The following OSBPL10 variants were observed in gnomAD, a reference collection of about 807,000 sequenced individuals.
OSBPL10 encodes oxysterol binding protein like 10, also known as oxysterol-binding protein-related protein 10.
Under a neutral mutation model 81.7 loss-of-function variants are expected in OSBPL10, and 49 were observed. The observed-to-expected ratio is 0.60, with a 90% CI of 0.48 to 0.76. The LOEUF (loss-of-function observed/expected upper bound fraction) is 0.76, where lower values mean the gene tolerates loss of function less well. Ranked by LOEUF, OSBPL10 falls within the 30% of genes least tolerant of loss-of-function variation. OSBPL10 has a pLI of 0.00. For synonymous variants in OSBPL10, 419 were observed against 383.6 expected, an observed-to-expected ratio of 1.09 and a Z score of -1.08; for missense variants, 923 against 987.8, an observed-to-expected ratio of 0.93 and a Z score of 0.88.
intron 2 of OSBPL10, chr3:31,988,696 A>G (rs916560232): frequency 3.0e-5 from 7 of 230,108 alleles, no homozygotes; most frequent in Non-Finnish European, 5.1e-5. Flanking sequence ...ACATAAGGAT[A>G]CTCAGGCCAC....
At chr3:31,733,067 C>G (rs1697027271) in intron 6 of OSBPL10, 190 bp downstream of exon 6, 2 of 684,732 alleles carry the variant, frequency 2.9e-6, no homozygotes, top group African/African-American at 3.7e-5. Context: ...CCCACAGCAG[C>G]TGCCAGACAC....
chr3:31,822,371 C>T (rs1485424620), intron 4 of OSBPL10: 1 of 152,200 alleles, frequency 6.6e-6, no homozygotes, highest in Non-Finnish European at 1.5e-5. Context: ...TTCAACAGCA[C>T]CACCTTTTCC....
chr3:32,026,131 G>A (rs1361794197), intron 2 of OSBPL10, among the ~76,000 whole-genome samples: 1 of 151,632 alleles, frequency 6.6e-6, no homozygotes, highest in South Asian at 2.1e-4. Context: ...CAGAGATAGA[G>A]ATAGAGATAT....
chr3:31,855,493 T>C (rs1308338803), intron 3 of OSBPL10, among the ~76,000 whole-genome samples: 1 of 152,224 alleles, frequency 6.6e-6, no homozygotes, highest in Non-Finnish European at 1.5e-5. Context: ...CTTTTCTTCA[T>C]AGAACCTGTC....
intron 3 of OSBPL10, among the ~76,000 whole-genome samples, chr3:31,853,957 T>A (rs560989721): frequency 5.3e-5 from 8 of 152,340 alleles, no homozygotes; most frequent in Middle Eastern, 6.8e-3. Context: ...AAGCAAGACA[T>A]ATCTTATAAG....
intron 4 of OSBPL10, among the ~76,000 whole-genome samples, chr3:31,811,675 T>C (rs1158969849): frequency 6.6e-6 from 1 of 152,220 alleles, no homozygotes; most frequent in Non-Finnish European, 1.5e-5. Context: ...TATACCACAG[T>C]TGGTGTTTTT....
At chr3:31,889,347 C>T (rs967228809) in intron 1 of OSBPL10, among the ~76,000 whole-genome samples, 11 of 152,064 alleles carry the variant, frequency 7.2e-5, no homozygotes, top group African/African-American at 2.7e-4. Flanking sequence ...ACATCTGCAC[C>T]CCCACGTTTA....
chr3:31,776,102 G>A (rs1029996420), intron 4 of OSBPL10, among the ~76,000 whole-genome samples: 1 of 152,176 alleles, frequency 6.6e-6, no homozygotes, highest in Non-Finnish European at 1.5e-5. Context: ...AGCATAATGA[G>A]ATTAGACTCA....
intron 1 of OSBPL10, among the ~76,000 whole-genome samples, chr3:31,929,424 A>C (rs1368865642): frequency 6.6e-6 from 1 of 152,224 alleles, no homozygotes; most frequent in African/African-American, 2.4e-5. Flanking sequence ...GTATAATCAA[A>C]GAAAATACTT....
chr3:31,927,912 C>A (rs1328496157), intron 1 of OSBPL10, among the ~76,000 whole-genome samples: 1 of 152,174 alleles, frequency 6.6e-6, no homozygotes, highest in Non-Finnish European at 1.5e-5. Context: ...CCACCCCCAC[C>A]TACTAGCCCT....
intron 3 of OSBPL10, among the ~76,000 whole-genome samples, chr3:31,868,708 TCA>T (rs1422936662): frequency 6.6e-6 from 1 of 152,336 alleles, no homozygotes; most frequent in East Asian, 1.9e-4. Context: ...AAAATTTTTC[TCA>T]GTCAGAATTA....
chr3:32,028,986 A>C (rs538476805), intron 2 of OSBPL10, among the ~76,000 whole-genome samples: 1 of 146,758 alleles, frequency 6.8e-6, no homozygotes, highest in Admixed American at 6.8e-5. Flanking sequence ...ACACACACAC[A>C]CACCAGGAAT....
chr3:31,674,645 C>G (rs1367204053), intron 8 of OSBPL10, among the ~76,000 whole-genome samples: 1 of 151,942 alleles, frequency 6.6e-6, no homozygotes, highest in African/African-American at 2.4e-5. Flanking sequence ...GAGTCCGACA[C>G]CTCCCCCACC....
intron 2 of OSBPL10, among the ~76,000 whole-genome samples, chr3:32,028,339 C>G (rs1004935745): frequency 2.0e-5 from 3 of 152,220 alleles, no homozygotes; most frequent in Admixed American, 6.5e-5. Context: ...ACTTTCTTCT[C>G]TCTAAACTTT....
chr3:31,827,287 G>GA lies in OSBPL10; in HGVS notation c.729+2752dup, dbSNP rs1386180773. Among the ~76,000 whole-genome samples the GA allele has an allele frequency of 5.3e-5, 8 of 150,762 alleles. No homozygotes were observed. The East Asian group carries it at 1.4e-3, about 26-fold the overall frequency. ...CTTTCCCCAACAGATAGACAACAGA[G>GA]AAAAAACAATACGATAAAGGAAAAA... On this transcript the variant is annotated intron_variant, in intron 4 of 11. Transcript: ENST00000396556.
At chr3:31,754,486 C>T (rs1192584386) in intron 4 of OSBPL10, among the ~76,000 whole-genome samples, 2 of 152,046 alleles carry the variant, frequency 1.3e-5, no homozygotes, top group Non-Finnish European at 2.9e-5. Flanking sequence ...AAGGAAAAGA[C>T]ACAGAAAGAG....
rs36122261 is a variant in OSBPL10 at position 31,926,289 on chromosome 3, G to GCCCCCCCCC, written c.282-46460_282-46459insGGGGGGGGG. 1.1e-3 allele frequency among the ~76,000 whole-genome samples: 146 copies of GCCCCCCCCC among 130,094 alleles called. 3 individuals carry two copies. The highest frequency in any genetic ancestry group is 1.8e-3 in the African/African-American group (58 of 32,274). The allele number at this position is 130,094 out of a possible 152,430, so 85.3% of individuals were successfully genotyped here. A position where few individuals can be genotyped will look rare whatever the true frequency, so the allele number is the denominator to read the frequency against. On this transcript the variant is annotated intron_variant, in intron 1 of 11. Transcript: ENST00000396556. ...GTGGTTCTCAACCATGGGTGATTTT[G>GCCCCCCCCC]CCCCCCCAGAGGATAGCTGCAATGT... is the stretch of plus-strand genomic sequence containing the variant.
intron 4 of OSBPL10, among the ~76,000 whole-genome samples, chr3:31,775,938 A>G (rs974084750): frequency 2.0e-5 from 3 of 152,166 alleles, no homozygotes; most frequent in Admixed American, 6.5e-5. Context: ...TCGCTGATGC[A>G]ATATGAATTC....
chr3:31,811,550 A>G (rs1182739324), intron 4 of OSBPL10, among the ~76,000 whole-genome samples: 2 of 152,234 alleles, frequency 1.3e-5, no homozygotes, highest in Admixed American at 6.5e-5. Context: ...TCCATAGAAA[A>G]TAACACTTTA....
Sources: allele counts gnomAD v4.1 joint callset (sites outside exome capture counted in the v4.1 genomes callset), GRCh38; gene constraint gnomAD v4.1.1; transcripts MANE v1.5; gene names NCBI Gene and HGNC (gene_info 2026-07-23, HGNC 2026-07-21).